GPM6A: variants seen among roughly 807,000 people sequenced by gnomAD.
GPM6A encodes glycoprotein M6A, also known as neuronal membrane glycoprotein M6-a.
GPM6A carries 7 observed loss-of-function variants against 32.1 expected under a neutral mutation model. The ratio of observed to expected loss-of-function variants is 0.22; its 90% confidence interval spans 0.12 to 0.41. The LOEUF (loss-of-function observed/expected upper bound fraction) is 0.41, where lower values mean the gene tolerates loss of function less well. Ranked by LOEUF, GPM6A falls within the 10% of genes least tolerant of loss-of-function variation. The probability of loss-of-function intolerance (pLI) is 1.00; values close to 1 mark genes in which losing one functional copy is unlikely to be tolerated. For missense variants in GPM6A, 235 were observed against 347.2 expected, an observed-to-expected ratio of 0.68 and a Z score of 2.57; for synonymous variants, 130 against 123.4, an observed-to-expected ratio of 1.05 and a Z score of -0.35.
chr4:175,918,510 A>C lies in GPM6A; in HGVS notation c.-23+83799T>G, dbSNP rs577455832. Among the ~76,000 whole-genome samples, 22 of 151,440 alleles carry C rather than the reference A, an allele frequency of 1.5e-4. No individual in the cohort carries two copies. The Middle Eastern group carries it at 0.01, about 71-fold the overall frequency. On this transcript the variant is annotated intron_variant, in intron 1 of 7. Coordinates refer to the GPM6A transcript ENST00000280187. ...GATACAGTTCCTGTCCTTAACAACAAAAAAAAAAAGCTACAAATGAATTCT... is the reference window on the plus strand; with the variant it reads ...GATACAGTTCCTGTCCTTAACAACACAAAAAAAAAGCTACAAATGAATTCT...
intron 1 of GPM6A, among the ~76,000 whole-genome samples, chr4:175,957,938 G>A (rs1740040713): frequency 6.6e-6 from 1 of 152,104 alleles, no homozygotes; most frequent in Non-Finnish European, 1.5e-5. Context: ...CAACACCCAG[G>A]CTGGAGTGCA....
At chr4:175,912,447 G>C (rs1738351200) in intron 1 of GPM6A, among the ~76,000 whole-genome samples, 1 of 152,084 alleles carries the variant, frequency 6.6e-6, no homozygotes, top group South Asian at 2.1e-4. Context: ...CTGAGGTCAG[G>C]AGTTCGAGAC....
chr4:175,876,638 A>G (rs1163452052), intron 1 of GPM6A, among the ~76,000 whole-genome samples: 2 of 152,144 alleles, frequency 1.3e-5, no homozygotes, highest in East Asian at 3.8e-4. Flanking sequence ...GATCACACTA[A>G]AGAGACCTGA....
chr4:175,738,690 T>C (rs1731761804), intron 1 of GPM6A, among the ~76,000 whole-genome samples: 1 of 152,130 alleles, frequency 6.6e-6, no homozygotes, highest in Non-Finnish European at 1.5e-5. Flanking sequence ...TCTCTAAGCT[T>C]TGATAAACAA....
chr4:175,900,362 G>A (rs13126502), intron 1 of GPM6A, among the ~76,000 whole-genome samples: 34 of 145,196 alleles, frequency 2.3e-4, no homozygotes, highest in South Asian at 6.5e-4. Context: ...AGAAAGGAAA[G>A]GAAAAGAAAG....
chr4:175,899,825 C>T (rs888240025), intron 1 of GPM6A, among the ~76,000 whole-genome samples: 3 of 151,946 alleles, frequency 2.0e-5, no homozygotes, highest in Non-Finnish European at 1.5e-5. Context: ...ATTTCTTGAG[C>T]AATACCTCAC....
At chr4:175,902,433 T>C (rs934452156) in intron 1 of GPM6A, among the ~76,000 whole-genome samples, 2 of 152,160 alleles carry the variant, frequency 1.3e-5, no homozygotes, top group African/African-American at 4.8e-5. Flanking sequence ...CATGGATGAA[T>C]GTCAGCAGCT....
intron 1 of GPM6A, among the ~76,000 whole-genome samples, chr4:175,817,739 C>G (rs913672167): frequency 5.9e-5 from 9 of 152,190 alleles, no homozygotes; most frequent in Non-Finnish European, 1.0e-4. Context: ...GAGACATACT[C>G]TGCTGAGAAC....
chr4:175,850,005 G>A (rs192865331), intron 1 of GPM6A, among the ~76,000 whole-genome samples: 1 of 152,192 alleles, frequency 6.6e-6, no homozygotes, highest in East Asian at 1.9e-4. Context: ...CGGAGTAAAG[G>A]CTGTAACTAA....
intron 6 of GPM6A, among the ~76,000 whole-genome samples, chr4:175,637,346 TA>T (rs1228450679): frequency 1.9e-4 from 10 of 52,414 alleles, no homozygotes; most frequent in East Asian, 1.4e-3. Flanking sequence ...ATATATTATA[TA>T]AAAATATATA....
intron 1 of GPM6A, among the ~76,000 whole-genome samples, chr4:175,957,321 C>A (rs1421295572): frequency 6.6e-6 from 1 of 152,162 alleles, no homozygotes; most frequent in African/African-American, 2.4e-5. Flanking sequence ...CCATATACGA[C>A]AAGGGTACCT....
chr4:175,805,547 C>T (rs867739337), intron 1 of GPM6A, among the ~76,000 whole-genome samples: 1 of 152,104 alleles, frequency 6.6e-6, no homozygotes, highest in Admixed American at 6.5e-5. Flanking sequence ...TCATCCAATT[C>T]CTCTCTTTGA....
intron 1 of GPM6A, among the ~76,000 whole-genome samples, chr4:175,809,159 T>A (rs6812406): frequency 0.49 from 73,997 of 151,970 alleles, 18,320 homozygotes; most frequent in Non-Finnish European, 0.53. Flanking sequence ...CTCGTAAGAT[T>A]TGGCAAAATG....
At chr4:175,966,722 G>T (rs561841366) in intron 1 of GPM6A, among the ~76,000 whole-genome samples, 1 of 152,102 alleles carries the variant, frequency 6.6e-6, no homozygotes, top group South Asian at 2.1e-4. Flanking sequence ...ACCAAGAAAT[G>T]AATGCTTGTT....
At chr4:175,680,340 G>A (rs757593828) in intron 2 of GPM6A, among the ~76,000 whole-genome samples, 2 of 151,958 alleles carry the variant, frequency 1.3e-5, no homozygotes, top group Admixed American at 6.6e-5. Flanking sequence ...ATATTAACAC[G>A]TTTATTCTTT....
chr4:175,654,953 A>G (rs189767560), intron 3 of GPM6A, among the ~76,000 whole-genome samples: 189 of 152,140 alleles, frequency 1.2e-3, no homozygotes, highest in African/African-American at 4.5e-3. Flanking sequence ...GGATCTTTCT[A>G]AAGCTTCTTT....
chr4:175,900,239 C>A (rs1206302690), intron 1 of GPM6A, among the ~76,000 whole-genome samples: 1 of 144,732 alleles, frequency 6.9e-6, no homozygotes, highest in Non-Finnish European at 1.5e-5. Context: ...CACCACTGCA[C>A]TCCAGTCTGG....
At chr4:175,660,034 C>T (rs1742312686) in intron 3 of GPM6A, among the ~76,000 whole-genome samples, 1 of 151,936 alleles carries the variant, frequency 6.6e-6, no homozygotes, top group African/African-American at 2.4e-5. Context: ...CAAGATTTTA[C>T]AAGATGATGA....
At chr4:175,682,703 G>T (rs1435361303) in intron 2 of GPM6A, among the ~76,000 whole-genome samples, 1 of 152,182 alleles carries the variant, frequency 6.6e-6, no homozygotes, top group East Asian at 1.9e-4. Flanking sequence ...AGCTTGGGCT[G>T]CTGCTTCAGA....
Sources: allele counts gnomAD v4.1 joint callset (sites outside exome capture counted in the v4.1 genomes callset), GRCh38; gene constraint gnomAD v4.1.1; transcripts MANE v1.5; gene names NCBI Gene and HGNC (gene_info 2026-07-23, HGNC 2026-07-21).